ITPRID1: variants seen among roughly 807,000 people sequenced by gnomAD.
ITPRID1 encodes the protein protein ITPRID1.
ITPRID1 carries 96 observed loss-of-function variants against 95.4 expected under a neutral mutation model. The observed-to-expected ratio is 1.01, with a 90% CI of 0.85 to 1.19. ITPRID1 has a LOEUF of 1.19. Ranked by LOEUF, ITPRID1 falls within the 50% of genes most tolerant of loss-of-function variation. ITPRID1 has a pLI of 0.00. For missense variants in ITPRID1, 1,339 were observed against 1,252.9 expected, an observed-to-expected ratio of 1.07 and a Z score of -1.04; for synonymous variants, 510 against 453.6, an observed-to-expected ratio of 1.12 and a Z score of -1.58.
At chr7:31,590,324 A>C (rs1785810806) in intron 10 of ITPRID1, among the ~76,000 whole-genome samples, 1 of 152,194 alleles carries the variant, frequency 6.6e-6, no homozygotes, top group African/African-American at 2.4e-5. Flanking sequence ...GAAAACTAGG[A>C]GATGTGTGAG....
At chr7:31,555,866 T>C (rs1784428812) in intron 5 of ITPRID1, among the ~76,000 whole-genome samples, 1 of 152,190 alleles carries the variant, frequency 6.6e-6, no homozygotes, top group African/African-American at 2.4e-5. Flanking sequence ...ATATGTATCA[T>C]TGAAATTTCC....
intron 12 of ITPRID1, among the ~76,000 whole-genome samples, chr7:31,650,040 G>A (rs975904668): frequency 6.6e-6 from 1 of 152,144 alleles, no homozygotes; most frequent in Non-Finnish European, 1.5e-5. Context: ...GACCAACTGT[G>A]TTTGTGAGCC....
chr7:31,596,684 T>C (rs1440711219), intron 10 of ITPRID1, among the ~76,000 whole-genome samples: 3 of 151,490 alleles, frequency 2.0e-5, no homozygotes, highest in African/African-American at 7.2e-5. Flanking sequence ...AAATTGAAGA[T>C]AGATGACATT....
rs374302449 is a variant in ITPRID1 at position 31,584,773 on chromosome 7, A to G, written c.1228+1582A>G. The stretch of plus-strand genomic sequence containing the variant: ...AAAAGGAAATTTTCATATGTATATG[A>G]TAACTGTGTGTGTAATCACTTTGAG... On this transcript the variant is annotated intron_variant, in intron 10 of 14. Coordinates refer to ENST00000615280, the MANE Select transcript of ITPRID1 (RefSeq NM_001257967.3). Among the ~76,000 whole-genome samples the G allele has an allele frequency of 2.2e-4, 33 of 152,388 alleles. No individual in the cohort carries two copies. In the East Asian group the frequency reaches 6.2e-3, roughly 28 times the overall value.
At chr7:31,565,168 G>T (rs964220801) in intron 5 of ITPRID1, among the ~76,000 whole-genome samples, 2 of 152,186 alleles carry the variant, frequency 1.3e-5, no homozygotes, top group African/African-American at 4.8e-5. Flanking sequence ...GCAATGATCA[G>T]GAAGTAAACT....
At chr7:31,592,805 A>T (rs113310822) in intron 10 of ITPRID1, among the ~76,000 whole-genome samples, 233 of 152,318 alleles carry the variant, frequency 1.5e-3, no homozygotes, top group African/African-American at 5.4e-3. Context: ...ACTGCTCTAT[A>T]CTAATAAAAA....
At chr7:31,656,855 G>C (rs1413873513), downstream of ITPRID1, among the ~76,000 whole-genome samples, 1 of 149,630 alleles carries the variant, frequency 6.7e-6, no homozygotes, top group African/African-American at 2.5e-5. Flanking sequence ...CCAAAAAAGA[G>C]CATAGAAGGG....
At chr7:31,546,703 T>C (rs1385687458) in intron 1 of ITPRID1, among the ~76,000 whole-genome samples, 1 of 152,174 alleles carries the variant, frequency 6.6e-6, no homozygotes, top group East Asian at 1.9e-4. Flanking sequence ...CATGCAATTA[T>C]GATATAAACG....
At chr7:31,651,675 A>G (rs1460987171) in intron 13 of ITPRID1, among the ~76,000 whole-genome samples, 2 of 152,120 alleles carry the variant, frequency 1.3e-5, no homozygotes, top group East Asian at 1.9e-4. Context: ...AAAACTGAAT[A>G]GTGGTGATGA....
At chr7:31,619,012 TGA>T (rs895417837) in intron 10 of ITPRID1, among the ~76,000 whole-genome samples, 11 of 152,338 alleles carry the variant, frequency 7.2e-5, no homozygotes, top group Admixed American at 2.0e-4. Context: ...ACATTGTGTC[TGA>T]GAGAGGAAAT....
chr7:31,652,992 C>CTAATACTCA lies in ITPRID1; in HGVS notation c.*165_*173dup. 1 of 1,434,316 alleles carries CTAATACTCA rather than the reference C, an allele frequency of 7.0e-7. No homozygotes were observed. Among genetic ancestry groups the CTAATACTCA allele is most frequent in the South Asian group, 1.5e-5 (1 of 66,102 alleles). 88.8% of individuals were successfully genotyped at this position (1,434,316 alleles called of 1,614,324 possible). A position where few individuals can be genotyped will look rare whatever the true frequency, so the allele number is the denominator to read the frequency against. On this transcript the variant is annotated 3_prime_UTR_variant, in exon 15 of 15. Coordinates refer to ENST00000615280, the MANE Select transcript of ITPRID1 (RefSeq NM_001257967.3). ...AAACCCAAGAGGAGTTTAGAATACT[C>CTAATACTCA]TAATACTCATTCAGTATAGAATAAC...
intron 9 of ITPRID1, among the ~76,000 whole-genome samples, chr7:31,578,815 C>T (rs1231207050): frequency 2.0e-5 from 3 of 152,154 alleles, no homozygotes; most frequent in Non-Finnish European, 4.4e-5. Context: ...TTGCCTTAAC[C>T]ACTTCTCCTC....
intron 12 of ITPRID1, among the ~76,000 whole-genome samples, chr7:31,645,140 T>C (rs1790356230): frequency 6.6e-6 from 1 of 152,194 alleles, no homozygotes; most frequent in African/African-American, 2.4e-5. Flanking sequence ...TCAGATTCAA[T>C]TTGGGTAACA....
rs751901473 is a variant in ITPRID1 at position 31,552,952 on chromosome 7, CAG to C, written c.-23-48_-23-47del. 6 of 1,528,792 alleles carry C rather than the reference CAG, an allele frequency of 3.9e-6. No homozygotes were observed. In the East Asian group the frequency reaches 1.4e-4, roughly 37 times the overall value. The allele number at this position is 1,528,792 out of a possible 1,614,324, so 94.7% of individuals were successfully genotyped here. A position where few individuals can be genotyped will look rare whatever the true frequency, so the allele number is the denominator to read the frequency against. ...TTTCTCCCTTTCACTGAGCCAAGCC[CAG>C]AAGCTGAACTCATCGTGTCTGATTT... On this transcript the variant is annotated intron_variant, in intron 2 of 14. Coordinates refer to ENST00000615280, the MANE Select transcript of ITPRID1 (RefSeq NM_001257967.3).
intron 12 of ITPRID1, among the ~76,000 whole-genome samples, chr7:31,647,987 G>A (rs1790637094): frequency 1.3e-5 from 2 of 151,710 alleles, no homozygotes; most frequent in Admixed American, 1.3e-4. Flanking sequence ...ATGGTTTGTT[G>A]GTATAACTAA....
At chr7:31,621,232 G>A (rs1316672777) in intron 10 of ITPRID1, among the ~76,000 whole-genome samples, 31 of 148,222 alleles carry the variant, frequency 2.1e-4, no homozygotes, top group East Asian at 4.0e-4. Context: ...GCAGGCCAAC[G>A]TTCAGATTCA....
rs1287516623 is a variant in ITPRID1, at chr7:31,569,151, A to T, written c.257-607A>T. ...TTGACTGTATGACTATGGGCTCATT[A>T]CTAAAGTTCTGTGAATCTCAGTTTC... On this transcript the variant is annotated intron_variant, in intron 5 of 14. Transcript: ENST00000615280. 3.9e-5 allele frequency among the ~76,000 whole-genome samples: 6 copies of T among 152,200 alleles called. No individual in the cohort carries two copies. In the East Asian group the frequency reaches 9.6e-4, roughly 24 times the overall value.
At chr7:31,640,642 CT>C (rs71557497) in intron 10 of ITPRID1, among the ~76,000 whole-genome samples, 43,958 of 147,034 alleles carry the variant, frequency 0.3, 6,886 homozygotes, top group Middle Eastern at 0.36. Context: ...TCTCGAAAAA[CT>C]TTTTTTTTTT....
chr7:31,651,905 T>C (rs375872148), intron 13 of ITPRID1, 34 bp from the exon 14 acceptor site: 28 of 1,476,854 alleles, frequency 1.9e-5, no homozygotes, highest in Non-Finnish European at 2.6e-5. Context: ...GGAAGGATTG[T>C]TAAATTTGGT....
Sources: allele counts gnomAD v4.1 joint callset (sites outside exome capture counted in the v4.1 genomes callset), GRCh38; gene constraint gnomAD v4.1.1; transcripts MANE v1.5; gene names NCBI Gene and HGNC (gene_info 2026-07-23, HGNC 2026-07-21).